Variants in WWOX observed in about 807,000 individuals in gnomAD.
WWOX encodes WW domain-containing oxidoreductase.
A neutral mutation model predicts 46.2 loss-of-function variants in WWOX; 69 were observed. The observed-to-expected ratio is 1.49, with a 90% CI of 1.23 to 1.82. WWOX has a LOEUF of 1.82. Ranked by LOEUF, WWOX falls within the 40% of genes most tolerant of loss-of-function variation. The probability of loss-of-function intolerance (pLI) is 0.00; values close to 1 mark genes in which losing one functional copy is unlikely to be tolerated. For missense variants in WWOX, 919 were observed against 542.6 expected (o/e 1.69, Z -6.89); for synonymous variants, 359 against 202.6 (o/e 1.77, Z -6.56).
chr16:78,689,430 G>A (rs1178624877), intron 8 of WWOX, among the ~76,000 whole-genome samples: 1 of 152,198 alleles, frequency 6.6e-6, no homozygotes, highest in Admixed American at 6.5e-5. Flanking sequence ...CTCTGGCAAA[G>A]AATCCTTGAC....
chr16:78,114,884 A>G, intron 3 of WWOX, 92 bp from the exon 4 acceptor site: 2 of 1,555,172 alleles, frequency 1.3e-6, no homozygotes, highest in Non-Finnish European at 1.8e-6. Context: ...TTGGTCTATG[A>G]AAAATGGGGT....
chr16:78,656,473 G>T (rs1410510040), intron 8 of WWOX, among the ~76,000 whole-genome samples: 2 of 152,176 alleles, frequency 1.3e-5, no homozygotes, highest in Non-Finnish European at 2.9e-5. Flanking sequence ...TAAAATCATG[G>T]CAGAAGATGA....
intron 8 of WWOX, among the ~76,000 whole-genome samples, chr16:78,992,964 T>A (rs989919609): frequency 5.0e-5 from 7 of 139,468 alleles, no homozygotes; most frequent in African/African-American, 1.6e-4. Flanking sequence ...AAAAAAAAAA[T>A]TATTCAGTGA....
intron 8 of WWOX, among the ~76,000 whole-genome samples, chr16:78,463,693 CTG>C (rs1803860638): frequency 6.6e-6 from 1 of 152,218 alleles, no homozygotes; most frequent in South Asian, 2.1e-4. Context: ...GGCTGATACT[CTG>C]TCATCTGGCT....
chr16:79,132,901 G>A (rs2049909511), intron 8 of WWOX, among the ~76,000 whole-genome samples: 2 of 152,300 alleles, frequency 1.3e-5, no homozygotes, highest in East Asian at 3.9e-4. Context: ...CCAGATGGAT[G>A]GAGCACTGGA....
At chr16:78,949,277 A>C (rs967353069) in intron 8 of WWOX, among the ~76,000 whole-genome samples, 1 of 152,124 alleles carries the variant, frequency 6.6e-6, no homozygotes, top group African/African-American at 2.4e-5. Context: ...GGGACTTCCA[A>C]CCCACAGCAA....
intron 8 of WWOX, among the ~76,000 whole-genome samples, chr16:78,801,566 A>G (rs1597634430): frequency 6.6e-6 from 1 of 152,278 alleles, no homozygotes; most frequent in South Asian, 2.1e-4. Context: ...TCCTTCTAGC[A>G]TTTGAATGCA....
chr16:79,137,007 G>T (rs2049994521), intron 8 of WWOX, among the ~76,000 whole-genome samples: 1 of 152,182 alleles, frequency 6.6e-6, no homozygotes, highest in African/African-American at 2.4e-5. Flanking sequence ...AGACAACTGA[G>T]AGGAGGCTAT....
chr16:78,497,354 G>T (rs761993487), intron 8 of WWOX, among the ~76,000 whole-genome samples: 5 of 152,200 alleles, frequency 3.3e-5, no homozygotes, highest in Non-Finnish European at 7.3e-5. Flanking sequence ...AGATCTGACA[G>T]TGTAAAATTA....
chr16:78,756,361 A>T (rs2049646571), intron 8 of WWOX, among the ~76,000 whole-genome samples: 1 of 152,192 alleles, frequency 6.6e-6, no homozygotes, highest in South Asian at 2.1e-4. Flanking sequence ...TTTGGGAGCC[A>T]GGGTGAAGGC....
rs543154053 is a variant in WWOX at position 78,108,476 on chromosome 16, G to A, written c.161G>A (p.Arg54Gln). ...CATCCAAAAACTGGAAAAAGAAAAC[G>A]AGTGGCAGGAGGTTTGTATGTTGTT... ...WEHPKTGKRK[R>Q]VAGDLPYGWE... The change falls in exon 2 of 9, where the codon CGA (arginine) becomes CAA (glutamine). Residue 54 changes from arginine to glutamine, a missense_variant. Coordinates refer to ENST00000566780, the MANE Select transcript of WWOX (RefSeq NM_016373.4). 3 of 1,613,654 alleles carry A rather than the reference G, an allele frequency of 1.9e-6. No individual in the cohort carries two copies. Among genetic ancestry groups the A allele is most frequent in the African/African-American group, 2.7e-5 (2 of 74,980 alleles).
At chr16:78,616,976 A>G (rs549079436) in intron 8 of WWOX, among the ~76,000 whole-genome samples, 4 of 152,320 alleles carry the variant, frequency 2.6e-5, no homozygotes, top group African/African-American at 4.8e-5. Context: ...CACATGTCAG[A>G]TAGTAGACAT....
chr16:78,952,432 G>C (rs556822311), intron 8 of WWOX, among the ~76,000 whole-genome samples: 15 of 151,060 alleles, frequency 9.9e-5, no homozygotes, highest in Non-Finnish European at 1.6e-4. Flanking sequence ...CCCCACGCTG[G>C]AGTACAGTGG....
chr16:78,404,422 G>GTCA (rs1190959451), intron 6 of WWOX, among the ~76,000 whole-genome samples: 5 of 152,024 alleles, frequency 3.3e-5, no homozygotes, highest in Non-Finnish European at 7.4e-5. Context: ...TCCATTTTGG[G>GTCA]CGTGAGAAGC....
chr16:78,414,858 C>A (rs1339279778), intron 6 of WWOX, among the ~76,000 whole-genome samples: 2 of 152,104 alleles, frequency 1.3e-5, no homozygotes, highest in Non-Finnish European at 2.9e-5. Context: ...CCAAAGACAG[C>A]TAACCAGTTA....
At chr16:78,788,247 T>G (rs890891455) in intron 8 of WWOX, among the ~76,000 whole-genome samples, 1 of 152,262 alleles carries the variant, frequency 6.6e-6, no homozygotes, top group African/African-American at 2.4e-5. Context: ...CATTTACTCC[T>G]GTGGTGTTAT....
chr16:78,236,245 A>C (rs1183787903), intron 5 of WWOX, among the ~76,000 whole-genome samples: 1 of 152,244 alleles, frequency 6.6e-6, no homozygotes, highest in Non-Finnish European at 1.5e-5. Context: ...GTGTTCTATG[A>C]CATCATTTAT....
intron 8 of WWOX, among the ~76,000 whole-genome samples, chr16:79,062,138 C>T (rs1249610002): frequency 2.6e-5 from 4 of 152,146 alleles, no homozygotes; most frequent in Non-Finnish European, 5.9e-5. Flanking sequence ...CCACCCCAGA[C>T]TGAAGGTTAG....
rs559595683 is a variant in WWOX at position 78,109,564 on chromosome 16, A to C, written c.173-214A>C. ...TCAGGAATAAAATAGGTTTTCTTCA[A>C]AACAAGAGGCAAAAATGTGGAGCCC... On this transcript the variant is annotated intron_variant, in intron 2 of 8. Coordinates refer to ENST00000566780, the MANE Select transcript of WWOX (RefSeq NM_016373.4). 2.6e-5 allele frequency among the ~76,000 whole-genome samples: 4 copies of C among 152,298 alleles called. No homozygotes were observed. The South Asian group carries it at 8.3e-4, about 32-fold the overall frequency.
Sources: gnomAD v4.1 joint callset for allele counts (sites outside exome capture counted in the v4.1 genomes callset) on GRCh38, gnomAD v4.1.1 for gene constraint, MANE v1.5 for transcripts, NCBI Gene and HGNC (gene_info 2026-07-23, HGNC 2026-07-21) for gene names.